ARHGEF3: variants seen among roughly 807,000 people sequenced by gnomAD.
ARHGEF3 encodes Rho guanine nucleotide exchange factor 3, also known as 59.8 kDA protein.
Under a neutral mutation model 63.2 loss-of-function variants are expected in ARHGEF3, and 28 were observed. That is an observed-to-expected ratio of 0.44 (90% CI 0.33 to 0.61). The LOEUF (loss-of-function observed/expected upper bound fraction) is 0.61. ARHGEF3 is among the 20% of genes least tolerant of loss of function. The probability of loss-of-function intolerance (pLI) is 0.03; values close to 1 mark genes in which losing one functional copy is unlikely to be tolerated. For missense variants in ARHGEF3, 533 were observed against 659.3 expected (o/e 0.81, Z 2.10); for synonymous variants, 266 against 254.2 (o/e 1.05, Z -0.44).
At chr3:56,950,271 C>T (rs915847316) in intron 3 of ARHGEF3, among the ~76,000 whole-genome samples, 4 of 151,910 alleles carry the variant, frequency 2.6e-5, no homozygotes, top group African/African-American at 4.8e-5. Flanking sequence ...AAAGCCAAAA[C>T]TGACAAATGG....
intron 2 of ARHGEF3, among the ~76,000 whole-genome samples, chr3:56,962,040 G>A (rs1041829320): frequency 6.6e-6 from 1 of 151,928 alleles, no homozygotes; most frequent in Non-Finnish European, 1.5e-5. Context: ...GGGAGACCCT[G>A]TCTCTAAAAA....
At chr3:57,023,858 A>C (rs1046082890) in intron 2 of ARHGEF3, among the ~76,000 whole-genome samples, 2 of 152,240 alleles carry the variant, frequency 1.3e-5, no homozygotes, top group Non-Finnish European at 2.9e-5. Flanking sequence ...CTGCCCTGGG[A>C]ATAGCTTGTT....
In ARHGEF3 at chr3:56,732,297, T is replaced by C. The variant is rs376665006; in HGVS notation, c.1169A>G (p.Gln390Arg). Reference protein sequence around the residue: ...PVKDLLLEDLQDGEVRLGGSL... With the variant: ...PVKDLLLEDLRDGEVRLGGSL... ...GCCACCCAGCCTCACTTCTCCATCC[T>C]GGAGGTCTTCCAGCAGGAGGTCTTT... Residue 390 changes from glutamine to arginine, a missense_variant, in exon 9 of 10, where the codon CAG becomes CGG. Gln to Arg is a conservative substitution (Grantham distance 43). This residue lies in a region of ARHGEF3 where 151 missense variants were observed against 190.7 expected (regional missense o/e 0.79). Transcript: ENST00000296315. 1.8e-5 allele frequency: 29 copies of C among 1,614,216 alleles called. No homozygotes were observed. Among genetic ancestry groups the C allele is most frequent in the Non-Finnish European group, 2.5e-5 (29 of 1,180,034 alleles).
chr3:56,966,501 A>T (rs1389469454), intron 2 of ARHGEF3, among the ~76,000 whole-genome samples: 1 of 152,184 alleles, frequency 6.6e-6, no homozygotes, highest in East Asian at 1.9e-4. Context: ...AACATATATT[A>T]GCTGGTGGGG....
At chr3:56,828,976 G>A (rs62249810) in intron 4 of ARHGEF3, among the ~76,000 whole-genome samples, 18,846 of 151,976 alleles carry the variant, frequency 0.12, 1,283 homozygotes, top group Admixed American at 0.23. Flanking sequence ...GCTTAGGCTG[G>A]AGGGCAGTGG....
At chr3:56,795,095 G>A (rs61285684) in intron 1 of ARHGEF3, among the ~76,000 whole-genome samples, 22,224 of 151,534 alleles carry the variant, frequency 0.15, 2,276 homozygotes, top group African/African-American at 0.29. Flanking sequence ...AAACTCTTGG[G>A]CTCAAGCAAT....
chr3:57,004,196 C>A (rs1038757818), intron 2 of ARHGEF3, among the ~76,000 whole-genome samples: 2 of 152,224 alleles, frequency 1.3e-5, no homozygotes, highest in Admixed American at 1.3e-4. Context: ...CCCTGACCTT[C>A]CCAGCAGAAT....
chr3:56,935,815 C>T (rs147504761), intron 3 of ARHGEF3, among the ~76,000 whole-genome samples: 2 of 152,326 alleles, frequency 1.3e-5, no homozygotes, highest in African/African-American at 4.8e-5. Context: ...ACCAAGAACC[C>T]ACCAATTCCA....
At chr3:56,978,366 C>T (rs556190326) in intron 2 of ARHGEF3, among the ~76,000 whole-genome samples, 81 of 152,254 alleles carry the variant, frequency 5.3e-4, no homozygotes, top group African/African-American at 1.4e-3. Context: ...CCATGTCACA[C>T]GTTCCTACAC....
At chr3:57,072,686 G>A (rs1230319389) in intron 1 of ARHGEF3, among the ~76,000 whole-genome samples, 1 of 143,532 alleles carries the variant, frequency 7.0e-6, no homozygotes, top group Non-Finnish European at 1.5e-5. Flanking sequence ...AGGTTGCAGT[G>A]AGCTGAGATA....
At chr3:56,755,246 T>A in intron 2 of ARHGEF3, 95 bp from the exon 3 acceptor site, 1 of 1,366,208 alleles carries the variant, frequency 7.3e-7, no homozygotes, top group Non-Finnish European at 1.0e-6. Flanking sequence ...ATAAATCATA[T>A]ATGTGAAAGA....
chr3:57,016,820 T>G (rs1006312131), intron 2 of ARHGEF3, among the ~76,000 whole-genome samples: 5 of 152,022 alleles, frequency 3.3e-5, no homozygotes, highest in Admixed American at 1.3e-4. Flanking sequence ...GGGAGGGGTC[T>G]TCTTTGTGGA....
At chr3:56,921,208 G>GA (rs200898119) in intron 3 of ARHGEF3, among the ~76,000 whole-genome samples, 13,245 of 110,338 alleles carry the variant, frequency 0.12, 949 homozygotes, top group African/African-American at 0.26. Context: ...TCCATAAAAA[G>GA]AAAAAAAAAA....
chr3:57,039,434 C>G (rs143204077), intron 1 of ARHGEF3, among the ~76,000 whole-genome samples: 1 of 152,174 alleles, frequency 6.6e-6, no homozygotes, highest in Non-Finnish European at 1.5e-5. Context: ...TAGGTACGCA[C>G]GTGCACCAAG....
At chr3:56,822,849 G>GAA (rs35895519) in intron 4 of ARHGEF3, among the ~76,000 whole-genome samples, 81,470 of 131,702 alleles carry the variant, frequency 0.62, 25,897 homozygotes, top group Non-Finnish European at 0.69. Context: ...GTAAGACTCT[G>GAA]AAAAAAAAAA....
At chr3:56,769,199 T>A (rs532295681) in intron 2 of ARHGEF3, among the ~76,000 whole-genome samples, 1 of 152,234 alleles carries the variant, frequency 6.6e-6, no homozygotes, top group Non-Finnish European at 1.5e-5. Context: ...CCATAGCATG[T>A]GCTGAACTCA....
chr3:56,902,783 T>C (rs73833754), intron 3 of ARHGEF3, among the ~76,000 whole-genome samples: 5,441 of 152,216 alleles, frequency 0.036, 319 homozygotes, highest in African/African-American at 0.12. Flanking sequence ...AGGAGACTTA[T>C]ACTCTCACAC....
Position 56,892,961 on chromosome 3 carries a change from C to T in ARHGEF3, c.130-10607G>A, listed in dbSNP as rs561175203. 9.2e-5 allele frequency among the ~76,000 whole-genome samples: 14 copies of T among 152,226 alleles called. No homozygotes were observed. The East Asian group carries it at 1.5e-3, about 17-fold the overall frequency. ...ACACCTACTCCTTGGGGCAATTTGC[C>T]GCACAAAGCAGAGATGAAAAATGGT... On this transcript the variant is annotated intron_variant, in intron 3 of 12. Transcript: ENST00000338458.
At chr3:56,751,912 C>G (rs1304678142) in intron 4 of ARHGEF3, among the ~76,000 whole-genome samples, 2 of 152,106 alleles carry the variant, frequency 1.3e-5, no homozygotes, top group Non-Finnish European at 2.9e-5. Context: ...CAAGAATACA[C>G]AGTTATACCC....
Sources: gnomAD v4.1 joint callset for allele counts (sites outside exome capture counted in the v4.1 genomes callset) on GRCh38, gnomAD v4.1.1 for gene constraint, gnomAD v4.1.1 regional missense constraint, MANE v1.5 for transcripts, NCBI Gene and HGNC (gene_info 2026-07-23, HGNC 2026-07-21) for gene names.